Variants in CACNG3 observed in about 807,000 individuals in gnomAD.
CACNG3 encodes the protein calcium voltage-gated channel auxiliary subunit gamma 3.
Under a neutral mutation model 28.5 loss-of-function variants are expected in CACNG3, and 3 were observed. The observed-to-expected ratio is 0.11, with a 90% CI of 0.05 to 0.27. The LOEUF (loss-of-function observed/expected upper bound fraction) is 0.27. Ranked by LOEUF, CACNG3 falls within the 10% of genes least tolerant of loss-of-function variation. CACNG3 has a pLI of 1.00. For synonymous variants in CACNG3, 174 were observed against 162.2 expected (o/e 1.07, Z -0.55); for missense variants, 236 against 414.4 (o/e 0.57, Z 3.74).
chr16:24,328,002 T>C (rs887784562), intron 1 of CACNG3, among the ~76,000 whole-genome samples: 1 of 152,172 alleles, frequency 6.6e-6, no homozygotes, highest in African/African-American at 2.4e-5. Flanking sequence ...TCCCATACAT[T>C]CATTTGTCCA....
chr16:24,286,135 A>C (rs1211266197), intron 1 of CACNG3, among the ~76,000 whole-genome samples: 1 of 151,988 alleles, frequency 6.6e-6, no homozygotes, highest in African/African-American at 2.4e-5. Flanking sequence ...GAATAGAATC[A>C]CTTCAGTTTA....
intron 1 of CACNG3, among the ~76,000 whole-genome samples, chr16:24,308,520 C>T (rs922661473): frequency 6.6e-6 from 1 of 152,120 alleles, no homozygotes; most frequent in Non-Finnish European, 1.5e-5. Flanking sequence ...ATTCCTAAAT[C>T]TTCTTGTGCA....
chr16:24,344,758 T>A (rs1169263299), intron 1 of CACNG3, among the ~76,000 whole-genome samples: 3 of 152,226 alleles, frequency 2.0e-5, no homozygotes, highest in Non-Finnish European at 2.9e-5. Context: ...GAAATGGCTC[T>A]GGCCTGGAGC....
At chr16:24,261,956 A>G (rs1400998261) in intron 1 of CACNG3, among the ~76,000 whole-genome samples, 1 of 152,180 alleles carries the variant, frequency 6.6e-6, no homozygotes, top group East Asian at 1.9e-4. Context: ...AGGAAAAGAC[A>G]TAACATTTAT....
intron 1 of CACNG3, among the ~76,000 whole-genome samples, chr16:24,317,653 AAAGAAAG>A (rs1567217663): frequency 2.2e-4 from 13 of 60,362 alleles, no homozygotes; most frequent in East Asian, 9.1e-4. Flanking sequence ...AAAAGAAAAG[AAAGAAAG>A]AAAGAAAGAA....
chr16:24,270,872 A>C (rs1035990795), intron 1 of CACNG3, among the ~76,000 whole-genome samples: 1 of 152,192 alleles, frequency 6.6e-6, no homozygotes, highest in African/African-American at 2.4e-5. Context: ...AGCAGGTGAG[A>C]GGCAAAGCCA....
chr16:24,309,866 G>A (rs2238510), intron 1 of CACNG3, among the ~76,000 whole-genome samples: 40,877 of 152,040 alleles, frequency 0.27, 5,722 homozygotes, highest in East Asian at 0.42. Context: ...AAGGGGGTCG[G>A]GATGAGGGCT....
chr16:24,294,108 C>A (rs1015773410), intron 1 of CACNG3, among the ~76,000 whole-genome samples: 1 of 152,144 alleles, frequency 6.6e-6, no homozygotes, highest in Non-Finnish European at 1.5e-5. Context: ...ACAAACCTGG[C>A]GTTGTGCACC....
At chr16:24,289,782 C>T (rs2141355010) in intron 1 of CACNG3, among the ~76,000 whole-genome samples, 1 of 152,320 alleles carries the variant, frequency 6.6e-6, no homozygotes, top group East Asian at 1.9e-4. Flanking sequence ...TCCTGTGTGC[C>T]TCAGTTTCCT....
chr16:24,318,123 C>G (rs1436905108), intron 1 of CACNG3, among the ~76,000 whole-genome samples: 1 of 152,178 alleles, frequency 6.6e-6, no homozygotes, highest in Non-Finnish European at 1.5e-5. Context: ...GGAGCTTTGT[C>G]CCTCAGCATC....
intron 1 of CACNG3, among the ~76,000 whole-genome samples, chr16:24,332,200 T>C (rs1239270974): frequency 6.6e-6 from 1 of 152,176 alleles, no homozygotes; most frequent in African/African-American, 2.4e-5. Context: ...CAATGGCTCA[T>C]GCCTATAATT....
chr16:24,341,772 C>T (rs1486618871), intron 1 of CACNG3, among the ~76,000 whole-genome samples: 2 of 152,138 alleles, frequency 1.3e-5, no homozygotes, highest in Non-Finnish European at 2.9e-5. Context: ...ACTCAAATAT[C>T]TACAGGGCCA....
chr16:24,337,620 C>G (rs1403653677), intron 1 of CACNG3, among the ~76,000 whole-genome samples: 2 of 151,804 alleles, frequency 1.3e-5, no homozygotes, highest in Non-Finnish European at 2.9e-5. Context: ...AGTTTGAGAC[C>G]TGCCTGGGCA....
intron 1 of CACNG3, among the ~76,000 whole-genome samples, chr16:24,260,279 T>C (rs1335350956): frequency 6.6e-6 from 1 of 152,178 alleles, no homozygotes; most frequent in African/African-American, 2.4e-5. Context: ...TAATAGTCAA[T>C]AATCACTTTT....
At chr16:24,312,920 G>GAAGGAAGA (rs1405298888) in intron 1 of CACNG3, among the ~76,000 whole-genome samples, 207 of 122,122 alleles carry the variant, frequency 1.7e-3, no homozygotes, top group African/African-American at 6.0e-3. Context: ...AGGAAGGAAG[G>GAAGGAAGA]AAGAAAGAAA....
chr16:24,294,601 A>G (rs1899005954), intron 1 of CACNG3, among the ~76,000 whole-genome samples: 1 of 152,188 alleles, frequency 6.6e-6, no homozygotes, highest in African/African-American at 2.4e-5. Context: ...GGGTCTCACT[A>G]TGTTGCTTAG....
intron 1 of CACNG3, among the ~76,000 whole-genome samples, chr16:24,295,798 A>G (rs565466441): frequency 1.3e-5 from 2 of 152,288 alleles, no homozygotes; most frequent in East Asian, 1.9e-4. Flanking sequence ...ACAGTGAGCT[A>G]TGTTGTGCCA....
At chr16:24,293,378 T>A (rs1898990328) in intron 1 of CACNG3, among the ~76,000 whole-genome samples, 1 of 152,082 alleles carries the variant, frequency 6.6e-6, no homozygotes, top group Non-Finnish European at 1.5e-5. Context: ...GCCTTGCCCC[T>A]CTACTTGACA....
rs749083879 is a variant in CACNG3 at position 24,256,870 on chromosome 16, T to C, written c.116T>C (p.Val39Ala). 1 of 1,613,504 alleles carries C rather than the reference T, an allele frequency of 6.2e-7. No individual in the cohort carries two copies. Among genetic ancestry groups the C allele is most frequent in the Non-Finnish European group, 8.5e-7 (1 of 1,179,372 alleles). ...GACTACTGGTTATATTCCAGAGGTGTGTGCAGGACTAAATCTACAAGTGAT... is the reference window on the plus strand; with the variant it reads ...GACTACTGGTTATATTCCAGAGGTGCGTGCAGGACTAAATCTACAAGTGAT... ...GTDYWLYSRG[V>A]CRTKSTSDNE... The change falls in exon 1 of 4, where the codon GTG (valine) becomes GCG (alanine). Residue 39 changes from valine to alanine, a missense_variant. By Grantham distance (64) the Val-to-Ala change is moderately conservative. Around this residue, in one of 2 missense-constraint regions of CACNG3, gnomAD observed 120 missense variants for 263.4 expected, o/e 0.46. Coordinates refer to ENST00000005284, the MANE Select transcript of CACNG3 (RefSeq NM_006539.4). The surrounding 1 kb of genome is among the most constrained non-coding windows in gnomAD (Gnocchi z 4.6).
Sources: allele counts gnomAD v4.1 joint callset (sites outside exome capture counted in the v4.1 genomes callset), GRCh38; gene constraint gnomAD v4.1.1; regional missense constraint gnomAD v4.1.1; non-coding constraint Gnocchi (gnomAD v3.1); transcripts MANE v1.5; gene names NCBI Gene and HGNC (gene_info 2026-07-23, HGNC 2026-07-21).